Variants in NHEJ1 observed in about 807,000 individuals in gnomAD.
The protein encoded by NHEJ1 is non-homologous end-joining factor 1.
A neutral mutation model predicts 39.4 loss-of-function variants in NHEJ1; 22 were observed. That is an observed-to-expected ratio of 0.56 (90% confidence interval 0.40 to 0.80). The LOEUF is 0.80. NHEJ1 is among the 30% of genes least tolerant of loss of function. The pLI, the probability that NHEJ1 is intolerant of heterozygous loss-of-function variation, is 0.00. For synonymous variants in NHEJ1, 154 were observed against 135.6 expected, an observed-to-expected ratio of 1.14 and a Z score of -0.94; for missense variants, 329 against 357.1, an observed-to-expected ratio of 0.92 and a Z score of 0.63.
rs886581675 is a variant in NHEJ1 at position 219,071,012 on chromosome 2, C to T, written c.*5369G>A. Among the ~76,000 whole-genome samples, 2 of 152,216 alleles carry T rather than the reference C, an allele frequency of 1.3e-5. No homozygotes were observed. The highest frequency in any genetic ancestry group is 2.9e-5 in the Non-Finnish European group (2 of 68,042). ...CTGAAATCCCCGCTAGGCAACAATGCTAAATGAAACTGGCAGTCTTCCCTT... is the reference window on the plus strand; with the variant it reads ...CTGAAATCCCCGCTAGGCAACAATGTTAAATGAAACTGGCAGTCTTCCCTT... On this transcript the variant is annotated 3_prime_UTR_variant, in exon 8 of 8. Transcript: ENST00000356853.
chr2:219,097,174 G>T (rs890283477), intron 5 of NHEJ1, among the ~76,000 whole-genome samples: 4 of 152,182 alleles, frequency 2.6e-5, no homozygotes, highest in African/African-American at 9.7e-5. Flanking sequence ...TGTTCTATAG[G>T]TTAAGTGTAT....
At chr2:219,113,778 A>G (rs897855605) in intron 5 of NHEJ1, among the ~76,000 whole-genome samples, 1 of 152,240 alleles carries the variant, frequency 6.6e-6, no homozygotes, top group African/African-American at 2.4e-5. Flanking sequence ...CAGAACTGCT[A>G]TCATTTCCAA....
At chr2:219,135,424 C>T (rs865951363) in intron 5 of NHEJ1, among the ~76,000 whole-genome samples, 9 of 151,688 alleles carry the variant, frequency 5.9e-5, no homozygotes, top group East Asian at 3.9e-4. Context: ...CTGGCCAACA[C>T]GGTGAAACCT....
chr2:219,073,905 G>A lies in NHEJ1; in HGVS notation c.*2476C>T, dbSNP rs186210374. ...GCATGTAGAGTGGGGGTTGGGCCAG[G>A]CTGGGGGCCTCAGGGAGGGGCCCAA... On this transcript the variant is annotated 3_prime_UTR_variant, in exon 8 of 8. Transcript: ENST00000356853. 2.0e-5 allele frequency among the ~76,000 whole-genome samples: 3 copies of A among 152,382 alleles called. No homozygotes were observed. The highest frequency in any genetic ancestry group is 1.3e-4 in the Admixed American group (2 of 15,312).
chr2:219,134,452 TC>T (rs1949606302), intron 5 of NHEJ1, among the ~76,000 whole-genome samples: 1 of 152,366 alleles, frequency 6.6e-6, no homozygotes, highest in African/African-American at 2.4e-5. Flanking sequence ...AGTTACCCTT[TC>T]TTGGCTAATC....
intron 1 of NHEJ1, among the ~76,000 whole-genome samples, chr2:219,160,149 T>C (rs1949917015): frequency 6.6e-6 from 1 of 152,192 alleles, no homozygotes; most frequent in African/African-American, 2.4e-5. Flanking sequence ...GGAGGGGCGC[T>C]GAGCGGCATC....
intron 5 of NHEJ1, among the ~76,000 whole-genome samples, chr2:219,110,366 A>G (rs1473978751): frequency 1.3e-5 from 2 of 152,020 alleles, no homozygotes; most frequent in African/African-American, 4.8e-5. Flanking sequence ...AAATATATAT[A>G]TATAAATTAG....
Position 219,158,228 on chromosome 2 carries a change from C to A in NHEJ1, c.135G>T (p.Trp45Cys), listed in dbSNP as rs542308434. Residue 45 changes from tryptophan to cysteine, a missense_variant, in exon 2 of 8, where the codon TGG becomes TGT. Trp to Cys is a radical substitution (Grantham distance 215). Transcript: ENST00000356853. ...ALLVSDLQQV[W>C]HEQVDTSVVS... ...CCACACTAGTGTCCACCTGTTCATG[C>A]CACACCTGTTGAAGATCTGAAACCA... 3 of 1,614,194 alleles carry A rather than the reference C, an allele frequency of 1.9e-6. No homozygotes were observed. The East Asian group carries it at 6.7e-5, about 36-fold the overall frequency.
intron 6 of NHEJ1, among the ~76,000 whole-genome samples, chr2:219,077,858 T>C (rs1260946216): frequency 6.6e-6 from 1 of 152,224 alleles, no homozygotes; most frequent in African/African-American, 2.4e-5. Flanking sequence ...CTTTCTGCAA[T>C]GATGGAAATG....
intron 5 of NHEJ1, among the ~76,000 whole-genome samples, chr2:219,139,647 A>C (rs2106356838): frequency 1.3e-5 from 2 of 152,174 alleles, no homozygotes; most frequent in South Asian, 4.2e-4. Flanking sequence ...CAAGATAATA[A>C]ATGTGTTTTT....
chr2:219,132,655 T>A (rs1426214164), intron 5 of NHEJ1, among the ~76,000 whole-genome samples: 1 of 152,178 alleles, frequency 6.6e-6, no homozygotes, highest in Non-Finnish European at 1.5e-5. Context: ...ATTGTGTAAC[T>A]CAGTGAAAGA....
intron 5 of NHEJ1, among the ~76,000 whole-genome samples, chr2:219,083,710 G>A (rs551630748): frequency 2.0e-5 from 3 of 152,166 alleles, no homozygotes; most frequent in Admixed American, 1.3e-4. Context: ...TGAGAGAATC[G>A]AGTAAGTGCC....
In NHEJ1 at chr2:219,153,697, G is replaced by GC. The variant is rs1375597999; in HGVS notation, c.390+3774_390+3775insG. Among the ~76,000 whole-genome samples, 132 of 129,466 alleles carry GC rather than the reference G, an allele frequency of 1.0e-3. 14 individuals carry two copies. The highest frequency in any genetic ancestry group is 3.6e-3 in the Middle Eastern group (1 of 280). The allele number at this position is 129,466 out of a possible 152,430, so 84.9% of individuals were successfully genotyped here. A position where few individuals can be genotyped will look rare whatever the true frequency, so the allele number is the denominator to read the frequency against. On this transcript the variant is annotated intron_variant, in intron 3 of 7. Transcript: ENST00000356853. ...TCAAAAGAAAAAGAAAGAAAAGGGG[G>GC]GGGGGGTGGAGAGAGAGAGAGAGAG... is the stretch of plus-strand genomic sequence containing the variant.
chr2:219,148,084 C>T (rs1167969732), intron 3 of NHEJ1, among the ~76,000 whole-genome samples: 1 of 152,194 alleles, frequency 6.6e-6, no homozygotes, highest in East Asian at 1.9e-4. Flanking sequence ...CATGGCCAAA[C>T]CCTATCTCTA....
At chr2:219,076,538 C>G in intron 7 of NHEJ1, 83 bp from the exon 8 acceptor site, 9 of 965,176 alleles carry the variant, frequency 9.3e-6, no homozygotes, top group African/African-American at 1.6e-5. Flanking sequence ...CCTCTCATGG[C>G]TCCTGGTTAG....
At chr2:219,129,617 C>A (rs977849106) in intron 5 of NHEJ1, among the ~76,000 whole-genome samples, 1 of 152,180 alleles carries the variant, frequency 6.6e-6, no homozygotes, top group African/African-American at 2.4e-5. Flanking sequence ...GGGACTCCCC[C>A]CACTCCAGGC....
At chr2:219,135,913 T>TC (rs1949622668) in intron 5 of NHEJ1, among the ~76,000 whole-genome samples, 1 of 152,206 alleles carries the variant, frequency 6.6e-6, no homozygotes, top group Admixed American at 6.5e-5. Context: ...TTGGCAGAGT[T>TC]GGTAACTTCC....
At chr2:219,156,051 C>A (rs1049609261) in intron 3 of NHEJ1, among the ~76,000 whole-genome samples, 2 of 151,892 alleles carry the variant, frequency 1.3e-5, no homozygotes, top group African/African-American at 2.4e-5. Flanking sequence ...AGATCGAGAC[C>A]ATCCTGGCTA....
intron 5 of NHEJ1, among the ~76,000 whole-genome samples, chr2:219,114,132 G>C (rs1949389655): frequency 6.6e-6 from 1 of 152,284 alleles, no homozygotes; most frequent in African/African-American, 2.4e-5. Flanking sequence ...AAGCCCACAA[G>C]GGGACAAACA....
Sources: allele counts gnomAD v4.1 joint callset (sites outside exome capture counted in the v4.1 genomes callset), GRCh38; gene constraint gnomAD v4.1.1; transcripts MANE v1.5; gene names NCBI Gene and HGNC (gene_info 2026-07-23, HGNC 2026-07-21).